NDUFS4: variants seen among roughly 807,000 people sequenced by gnomAD.
NDUFS4 encodes the protein NADH:ubiquinone oxidoreductase subunit S4.
Under a neutral mutation model 24.3 loss-of-function variants are expected in NDUFS4, and 28 were observed. The ratio of observed to expected loss-of-function variants is 1.15; its 90% CI spans 0.85 to 1.58. The LOEUF (loss-of-function observed/expected upper bound fraction) is 1.58. Ranked by LOEUF, NDUFS4 falls within the 40% of genes most tolerant of loss-of-function variation. NDUFS4 has a pLI of 0.00. For missense variants in NDUFS4, 223 were observed against 207.9 expected, an observed-to-expected ratio of 1.07 and a Z score of -0.45; for synonymous variants, 93 against 69.7, an observed-to-expected ratio of 1.34 and a Z score of -1.67.
chr5:53,583,462 G>A (rs553801095), intron 1 of NDUFS4, among the ~76,000 whole-genome samples: 10 of 152,274 alleles, frequency 6.6e-5, no homozygotes, highest in African/African-American at 2.4e-4. Flanking sequence ...ACTTCCAATT[G>A]TAATTTTTTT....
intron 3 of NDUFS4, among the ~76,000 whole-genome samples, chr5:53,649,753 A>G (rs1005615521): frequency 2.6e-5 from 4 of 152,196 alleles, no homozygotes; most frequent in Non-Finnish European, 4.4e-5. Flanking sequence ...AGAAATCTCC[A>G]TACTGTATTC....
At chr5:53,583,653 C>G (rs1340767038) in intron 1 of NDUFS4, among the ~76,000 whole-genome samples, 2 of 152,074 alleles carry the variant, frequency 1.3e-5, no homozygotes, top group African/African-American at 2.4e-5. Flanking sequence ...GAAATAAAAG[C>G]AACTCAAAAA....
At chr5:53,620,132 A>G (rs1317363646) in intron 2 of NDUFS4, among the ~76,000 whole-genome samples, 3 of 152,154 alleles carry the variant, frequency 2.0e-5, no homozygotes, top group African/African-American at 7.2e-5. Flanking sequence ...TGTAAAAAAA[A>G]AAAAGTATCA....
At chr5:53,571,334 G>A (rs1360515917) in intron 1 of NDUFS4, among the ~76,000 whole-genome samples, 1 of 152,134 alleles carries the variant, frequency 6.6e-6, no homozygotes, top group Non-Finnish European at 1.5e-5. Context: ...TTAGCATAAT[G>A]TTTTCAAGGT....
At chr5:53,642,435 GA>G (rs1261154250) in intron 2 of NDUFS4, among the ~76,000 whole-genome samples, 1 of 152,110 alleles carries the variant, frequency 6.6e-6, no homozygotes, top group Non-Finnish European at 1.5e-5. Context: ...GGACAATGAT[GA>G]AAATTTGATT....
chr5:53,576,176 T>C (rs1037102758), intron 1 of NDUFS4, among the ~76,000 whole-genome samples: 2 of 152,262 alleles, frequency 1.3e-5, no homozygotes, highest in African/African-American at 4.8e-5. Flanking sequence ...GGGGGATTAA[T>C]GGATCCCAGG....
intron 1 of NDUFS4, among the ~76,000 whole-genome samples, chr5:53,569,855 TTTGTCAG>T (rs1318719006): frequency 6.6e-6 from 1 of 152,194 alleles, no homozygotes; most frequent in African/African-American, 2.4e-5. Context: ...TGTTTTCCAT[TTTGTCAG>T]TGTTGATCTT....
At chr5:53,631,663 T>C (rs1446557097) in intron 2 of NDUFS4, among the ~76,000 whole-genome samples, 2 of 152,188 alleles carry the variant, frequency 1.3e-5, no homozygotes, top group African/African-American at 4.8e-5. Context: ...CCCAGCAGCA[T>C]TGTTTACACT....
At chr5:53,680,907 A>G (rs566881896) in intron 4 of NDUFS4, among the ~76,000 whole-genome samples, 1 of 152,242 alleles carries the variant, frequency 6.6e-6, no homozygotes, top group East Asian at 1.9e-4. Context: ...CTAGTACACC[A>G]GGAATGCTCT....
chr5:53,658,975 C>A (rs995829010), intron 4 of NDUFS4, among the ~76,000 whole-genome samples: 1 of 152,094 alleles, frequency 6.6e-6, no homozygotes, highest in African/African-American at 2.4e-5. Flanking sequence ...CTAGTTTTGA[C>A]ACCTCTGTTT....
chr5:53,607,525 T>A (rs978277714), intron 2 of NDUFS4, among the ~76,000 whole-genome samples: 28 of 152,186 alleles, frequency 1.8e-4, no homozygotes, highest in Admixed American at 2.0e-4. Flanking sequence ...GTAATGACAC[T>A]AACGGATGTG....
At chr5:53,598,807 T>C (rs574228630) in intron 1 of NDUFS4, among the ~76,000 whole-genome samples, 2 of 152,320 alleles carry the variant, frequency 1.3e-5, no homozygotes, top group East Asian at 3.9e-4. Context: ...TCTTTTTCTT[T>C]CAGGAAACTT....
intron 4 of NDUFS4, among the ~76,000 whole-genome samples, chr5:53,660,117 T>A (rs1213329827): frequency 6.6e-6 from 1 of 151,754 alleles, no homozygotes; most frequent in Non-Finnish European, 1.5e-5. Context: ...ACTCTTCATT[T>A]AACATTAGGT....
chr5:53,615,203 G>T (rs1750805618), intron 2 of NDUFS4, among the ~76,000 whole-genome samples: 3 of 151,766 alleles, frequency 2.0e-5, no homozygotes, highest in Admixed American at 2.0e-4. Context: ...GAATTAGCCA[G>T]CTTGCCAGAT....
chr5:53,634,066 T>G lies in NDUFS4; in HGVS notation c.178-12167T>G, dbSNP rs142222986. On this transcript the variant is annotated intron_variant, in intron 2 of 4. Transcript: ENST00000296684. ...ATGTTTAAGGTTTGTGTATATTGCT[T>G]ACTTAAGTGTTTCCCTGGTTTTACT... Among the ~76,000 whole-genome samples, 714 of 152,340 alleles carry G rather than the reference T, an allele frequency of 4.7e-3. 5 individuals are homozygous for G. The highest frequency in any genetic ancestry group is 0.017 in the African/African-American group (688 of 41,572).
chr5:53,644,043 T>A (rs1369925515), intron 2 of NDUFS4, among the ~76,000 whole-genome samples: 1 of 152,180 alleles, frequency 6.6e-6, no homozygotes, highest in African/African-American at 2.4e-5. Flanking sequence ...ATACTGTCCT[T>A]TCTACTTTGT....
At chr5:53,622,042 A>G (rs928091018) in intron 2 of NDUFS4, among the ~76,000 whole-genome samples, 16 of 152,116 alleles carry the variant, frequency 1.1e-4, no homozygotes, top group African/African-American at 3.9e-4. Context: ...TTTTAAATAA[A>G]TTTAGAAGTG....
intron 4 of NDUFS4, among the ~76,000 whole-genome samples, chr5:53,664,550 A>T (rs562247695): frequency 9.9e-5 from 15 of 152,052 alleles, no homozygotes; most frequent in African/African-American, 3.6e-4. Flanking sequence ...TTTTTTCTCT[A>T]AACTTCTCTT....
chr5:53,570,174 T>C (rs1316933347), intron 1 of NDUFS4, among the ~76,000 whole-genome samples: 5 of 152,180 alleles, frequency 3.3e-5, no homozygotes, highest in African/African-American at 1.2e-4. Context: ...ACCCCAAGAC[T>C]CCCTCATGTT....
Sources: gnomAD v4.1 joint callset for allele counts (sites outside exome capture counted in the v4.1 genomes callset) on GRCh38, gnomAD v4.1.1 for gene constraint, MANE v1.5 for transcripts, NCBI Gene and HGNC (gene_info 2026-07-23, HGNC 2026-07-21) for gene names.